C4BPA: variants seen among roughly 807,000 people sequenced by gnomAD.
C4BPA encodes C4b-binding protein alpha chain.
Under a neutral mutation model 63.7 loss-of-function variants are expected in C4BPA, and 31 were observed. The ratio of observed to expected loss-of-function variants is 0.49; its 90% CI spans 0.37 to 0.66. The LOEUF is 0.66. C4BPA is among the 30% of genes least tolerant of loss of function. C4BPA has a pLI of 0.00. For synonymous variants in C4BPA, 259 were observed against 254.7 expected, an observed-to-expected ratio of 1.02 and a Z score of -0.16; for missense variants, 572 against 723.3, an observed-to-expected ratio of 0.79 and a Z score of 2.40.
rs1685239254 is a variant in C4BPA at position 207,134,582 on chromosome 1, A to G, written c.1263A>G (p.Ser421=). Residue 421 remains serine, a synonymous_variant, in exon 9 of 12, where the codon TCA becomes TCG. Coordinates refer to ENST00000367070, the MANE Select transcript of C4BPA (RefSeq NM_000715.4). ...GCACGTGGAGTCCCCGAACACCATC[A>G]TGTGGAGACAGTAAGAGTTCATAGA... ...GDGTWSPRTP[S]CGDICNFPPK... is the part of the protein sequence containing the mutation. The G allele has an allele frequency of 1.2e-6, 2 of 1,610,410 alleles. No homozygotes were observed. The highest frequency in any genetic ancestry group is 1.3e-5 in the African/African-American group (1 of 74,784).
intron 6 of C4BPA, among the ~76,000 whole-genome samples, chr1:207,124,624 G>A (rs750949112): frequency 6.6e-6 from 1 of 152,194 alleles, no homozygotes; most frequent in Non-Finnish European, 1.5e-5. Flanking sequence ...GTTTGGTGAA[G>A]TAAAAGTTTA....
intron 1 of C4BPA, among the ~76,000 whole-genome samples, chr1:207,106,737 G>A (rs1455951931): frequency 1.3e-5 from 2 of 152,206 alleles, no homozygotes; most frequent in Admixed American, 1.3e-4. Context: ...CACTGCACCC[G>A]GCCTCCTCTG....
At chr1:207,133,534 T>TG (rs1026274912) in intron 8 of C4BPA, among the ~76,000 whole-genome samples, 6 of 152,144 alleles carry the variant, frequency 3.9e-5, no homozygotes, top group South Asian at 2.1e-4. Flanking sequence ...GAGGCCGAGG[T>TG]GGGGGGCCAC....
intron 10 of C4BPA, among the ~76,000 whole-genome samples, chr1:207,143,314 A>C (rs1208681432): frequency 6.6e-6 from 1 of 150,952 alleles, no homozygotes; most frequent in Non-Finnish European, 1.5e-5. Flanking sequence ...GGAGGGGAAC[A>C]TCACACACTG....
chr1:207,106,042 G>A (rs1684552264), intron 1 of C4BPA, among the ~76,000 whole-genome samples: 1 of 152,142 alleles, frequency 6.6e-6, no homozygotes, highest in African/African-American at 2.4e-5. Context: ...TAGAGATGGA[G>A]GGAACTGATA....
intron 9 of C4BPA, among the ~76,000 whole-genome samples, chr1:207,138,658 A>C (rs994186391): frequency 5.9e-5 from 9 of 152,186 alleles, no homozygotes; most frequent in African/African-American, 1.9e-4. Flanking sequence ...GCTGTTAAGC[A>C]CTTTCCTAAC....
At chr1:207,141,910 T>C (rs1476290663) in intron 10 of C4BPA, among the ~76,000 whole-genome samples, 1 of 152,186 alleles carries the variant, frequency 6.6e-6, no homozygotes, top group African/African-American at 2.4e-5. Context: ...AGGAGAATAA[T>C]AGTCAAGAAG....
At chr1:207,136,331 T>C (rs190398658) in intron 9 of C4BPA, among the ~76,000 whole-genome samples, 2 of 152,238 alleles carry the variant, frequency 1.3e-5, no homozygotes, top group Non-Finnish European at 2.9e-5. Context: ...GAGACTTTTT[T>C]ACTTGGTTGT....
chr1:207,141,060 C>T, intron 9 of C4BPA, 46 bp from the exon 10 acceptor site: 2 of 1,483,180 alleles, frequency 1.3e-6, no homozygotes, highest in South Asian at 1.2e-5. Flanking sequence ...CTACTTTATA[C>T]ACTTTACAAA....
rs1253492400 is a variant in C4BPA, at chr1:207,126,874, T to C, written c.868T>C (p.Ser290Pro). Reference protein sequence around the residue: ...HCDADSKWNPSPPACEPNSCI... With the variant: ...HCDADSKWNPPPPACEPNSCI... ...TGATGCTGATAGCAAATGGAATCCT[T>C]CTCCTCCTGCTTGTGAGCCCAGTAA... Residue 290 changes from serine (S) to proline (P), a missense_variant, in exon 7 of 12, where the codon TCT becomes CCT. Ser to Pro is a moderately conservative substitution (Grantham distance 74, BLOSUM62 -1). This residue lies in a region of C4BPA where 465 missense variants were observed against 629.4 expected (regional missense o/e 0.74). Coordinates refer to ENST00000367070, the MANE Select transcript of C4BPA (RefSeq NM_000715.4). The C allele has an allele frequency of 6.2e-7, 1 of 1,612,662 alleles. No homozygotes were observed. The highest frequency in any genetic ancestry group is 1.7e-5 in the Admixed American group (1 of 59,818).
At chr1:207,110,563 GAGAAT>G (rs1684648156) in intron 1 of C4BPA, among the ~76,000 whole-genome samples, 1 of 152,126 alleles carries the variant, frequency 6.6e-6, no homozygotes, top group South Asian at 2.1e-4. Flanking sequence ...GCCGAGGCGG[GAGAAT>G]TGCTTGAGGC....
At position 207,124,302 on chromosome 1, in the gene C4BPA, C is replaced by T; in HGVS notation, c.642C>T (p.Ser214=). 6.2e-7 allele frequency: 1 copy of T among 1,613,914 alleles called. No individual in the cohort carries two copies. The highest frequency in any genetic ancestry group is 1.1e-5 in the South Asian group (1 of 91,076). ...GCTTCTCACTCTTGGGCCATGCCTC[C>T]ATTTCTTGCACTGTGGAGAATGAAA... The part of the protein sequence containing the change: ...DPRFSLLGHA[S]ISCTVENETI... Residue 214 remains serine (S), a synonymous_variant, in exon 6 of 12, where the codon TCC becomes TCT. Transcript: ENST00000367070.
intron 9 of C4BPA, among the ~76,000 whole-genome samples, chr1:207,139,151 GA>G (rs888418039): frequency 2.4e-4 from 36 of 152,196 alleles, no homozygotes; most frequent in African/African-American, 8.4e-4. Context: ...GCTAGGAAAG[GA>G]AAGAAGGGCC....
At chr1:207,133,870 T>A (rs1685219640) in intron 8 of C4BPA, among the ~76,000 whole-genome samples, 1 of 152,224 alleles carries the variant, frequency 6.6e-6, no homozygotes, top group South Asian at 2.1e-4. Context: ...TATAAACTTT[T>A]GAAAACTTTC....
intron 4 of C4BPA, among the ~76,000 whole-genome samples, chr1:207,120,221 C>T (rs764503784): frequency 1.2e-4 from 18 of 152,092 alleles, no homozygotes; most frequent in Non-Finnish European, 2.6e-4. Context: ...AACCTCCAAG[C>T]TTAATTTAGG....
intron 9 of C4BPA, among the ~76,000 whole-genome samples, chr1:207,137,613 T>C (rs966224431): frequency 6.6e-6 from 1 of 151,900 alleles, no homozygotes; most frequent in African/African-American, 2.4e-5. Flanking sequence ...TTTGTTTTGT[T>C]TTGTTTTGTT....
intron 5 of C4BPA, 36 bp from the exon 6 acceptor site, chr1:207,124,139 G>T (rs2842707): frequency 6.3e-7 from 1 of 1,586,474 alleles, no homozygotes; most frequent in East Asian, 2.2e-5. Flanking sequence ...TGATGCCTTC[G>T]CTGAGTATTT....
Position 207,111,346 on chromosome 1 carries a change from G to A in C4BPA, c.-25-1655G>A, listed in dbSNP as rs537290139. 7.2e-5 allele frequency among the ~76,000 whole-genome samples: 11 copies of A among 152,344 alleles called. No homozygotes were observed. The East Asian group carries it at 1.5e-3, about 21-fold the overall frequency. ...GTCTGTGAACACATTTCCAGTAAGT[G>A]ACTACAACTGGTAAATTGCTCGTTA... On this transcript the variant is annotated intron_variant, in intron 1 of 11. Transcript: ENST00000367070.
At chr1:207,121,935 T>C (rs1370674267) in intron 4 of C4BPA, among the ~76,000 whole-genome samples, 1 of 152,142 alleles carries the variant, frequency 6.6e-6, no homozygotes, top group African/African-American at 2.4e-5. Context: ...TATTCATATG[T>C]GTCTATGGTT....
Sources: allele counts gnomAD v4.1 joint callset (sites outside exome capture counted in the v4.1 genomes callset), GRCh38; gene constraint gnomAD v4.1.1; regional missense constraint gnomAD v4.1.1; transcripts MANE v1.5; gene names NCBI Gene and HGNC (gene_info 2026-07-23, HGNC 2026-07-21).